Variants in MED13L observed in about 807,000 individuals in gnomAD.
The protein encoded by MED13L is mediator complex subunit 13L, also known as mediator of RNA polymerase II transcription subunit 13-like.
In MED13L, 7 loss-of-function variants were observed where a neutral mutation model predicts 220.9. The observed-to-expected ratio is 0.03, with a 90% CI of 0.02 to 0.06. MED13L has a LOEUF of 0.06. Ranked by LOEUF, MED13L falls within the 10% of genes least tolerant of loss-of-function variation. MED13L has a pLI of 1.00. For synonymous variants in MED13L, 1,011 were observed against 1,015.2 expected, an observed-to-expected ratio of 1.00 and a Z score of 0.08; for missense variants, 1,965 against 2,760.5, an observed-to-expected ratio of 0.71 and a Z score of 6.46.
At chr12:116,126,722 G>C (rs1256014154) in intron 2 of MED13L, among the ~76,000 whole-genome samples, 5 of 152,134 alleles carry the variant, frequency 3.3e-5, no homozygotes, top group Non-Finnish European at 7.4e-5. Flanking sequence ...TGGCTCTGTT[G>C]CTTCTTTTAT....
chr12:116,022,636 T>C (rs937566597), intron 4 of MED13L, 35 bp from the exon 5 acceptor site: 5 of 1,598,244 alleles, frequency 3.1e-6, no homozygotes, highest in Non-Finnish European at 4.3e-6. Flanking sequence ...CAACTTTATA[T>C]TTTGGTAGGA....
chr12:116,147,924 G>A (rs1458517880), intron 2 of MED13L, among the ~76,000 whole-genome samples: 1 of 151,124 alleles, frequency 6.6e-6, no homozygotes, highest in Admixed American at 6.6e-5. Flanking sequence ...GCGTGCACCT[G>A]TAATCCCAGC....
intron 2 of MED13L, among the ~76,000 whole-genome samples, chr12:116,216,538 G>A (rs1466138091): frequency 6.6e-6 from 1 of 152,110 alleles, no homozygotes; most frequent in Admixed American, 6.6e-5. Context: ...GATGCTTCTG[G>A]AAGAAATGTA....
At chr12:115,968,460 G>A (rs1358834107) in intron 28 of MED13L, among the ~76,000 whole-genome samples, 4 of 152,166 alleles carry the variant, frequency 2.6e-5, no homozygotes, top group Non-Finnish European at 4.4e-5. Flanking sequence ...AAAGAAGAAG[G>A]CTGCAAAATG....
At chr12:116,027,898 C>T (rs1317243225) in intron 4 of MED13L, among the ~76,000 whole-genome samples, 1 of 152,098 alleles carries the variant, frequency 6.6e-6, no homozygotes, top group Non-Finnish European at 1.5e-5. Flanking sequence ...AGAGAATAAT[C>T]AAAAAGATTA....
intron 3 of MED13L, among the ~76,000 whole-genome samples, chr12:116,104,261 C>G (rs1476817955): frequency 6.6e-6 from 1 of 151,994 alleles, no homozygotes; most frequent in African/African-American, 2.4e-5. Context: ...CCACCTGTCT[C>G]GGCCTCCCAA....
At chr12:116,243,443 A>G (rs891942102) in intron 1 of MED13L, among the ~76,000 whole-genome samples, 1 of 152,204 alleles carries the variant, frequency 6.6e-6, no homozygotes, top group African/African-American at 2.4e-5. Context: ...AACAGCTACT[A>G]CAGTCAGTTC....
chr12:116,032,406 C>T (rs571274027), intron 4 of MED13L, among the ~76,000 whole-genome samples: 250 of 152,148 alleles, frequency 1.6e-3, no homozygotes, highest in African/African-American at 5.1e-3. Flanking sequence ...GACAAAGAGG[C>T]CAATGGAACA....
chr12:116,221,864 T>A (rs758833568), intron 2 of MED13L, among the ~76,000 whole-genome samples: 3 of 152,132 alleles, frequency 2.0e-5, no homozygotes, highest in Non-Finnish European at 4.4e-5. Context: ...ATATGAAAAA[T>A]TATTTTTTAT....
chr12:116,109,060 CTTTTT>C (rs751600660), intron 3 of MED13L, among the ~76,000 whole-genome samples: 4 of 97,082 alleles, frequency 4.1e-5, no homozygotes, highest in Non-Finnish European at 8.2e-5. Context: ...AATTAATTTC[CTTTTT>C]TTTTTTTTTT....
chr12:115,978,494 T>C (rs1877109778), intron 23 of MED13L, among the ~76,000 whole-genome samples: 1 of 152,050 alleles, frequency 6.6e-6, no homozygotes, highest in Admixed American at 6.5e-5. Context: ...GCCTGGCTAA[T>C]TTTTTTATTT....
Position 115,960,937 on chromosome 12 carries a change from A to C in MED13L, c.*329T>G, listed in dbSNP as rs935321171. ...GGCTGAAAACACAGACTCTTGTGCA[A>C]AAGGACACTGTCTCTTCTGTTTCCC... is the stretch of plus-strand genomic sequence containing the variant. On this transcript the variant is annotated 3_prime_UTR_variant, in exon 31 of 31. Coordinates refer to ENST00000281928, the MANE Select transcript of MED13L (RefSeq NM_015335.5). The C allele has an allele frequency of 3.7e-5, 14 of 381,224 alleles. No individual in the cohort carries two copies. The highest frequency in any genetic ancestry group is 3.1e-4 in the South Asian group (14 of 45,496). 23.6% of individuals were successfully genotyped at this position (381,224 alleles called of 1,614,324 possible). A position where few individuals can be genotyped will look rare whatever the true frequency, so the allele number is the denominator to read the frequency against.
chr12:116,026,924 C>A (rs1300412627), intron 4 of MED13L, among the ~76,000 whole-genome samples: 2 of 152,048 alleles, frequency 1.3e-5, no homozygotes, highest in African/African-American at 4.8e-5. Context: ...TAATGCCCTG[C>A]AGCCATGTAA....
In MED13L at chr12:115,980,913, T is replaced by G. The variant is rs143920854; in HGVS notation, c.5201A>C (p.Gln1734Pro). 5 of 1,612,166 alleles carry G rather than the reference T, an allele frequency of 3.1e-6. No individual in the cohort carries two copies. The highest frequency in any genetic ancestry group is 4.2e-6 in the Non-Finnish European group (5 of 1,179,980). Residue 1734 changes from glutamine to proline, a missense_variant, in exon 23 of 31, where the codon CAG becomes CCG. This residue lies in a region of MED13L where 510 missense variants were observed against 620.4 expected (regional missense o/e 0.82). Coordinates refer to ENST00000281928, the MANE Select transcript of MED13L (RefSeq NM_015335.5). ...GAAAACTTGCTCATCCTTCATTGTC[T>G]GCAGCATGTACTGGCAAGGCACAAT... ...LQIVPCQYML[Q>P]TMKDEQVFYI...
chr12:116,268,751 C>T (rs2138582168), intron 1 of MED13L, among the ~76,000 whole-genome samples: 1 of 152,240 alleles, frequency 6.6e-6, no homozygotes. Context: ...GAAATTTCTA[C>T]TCCCCACCAT....
At chr12:116,136,776 G>C (rs940112978) in intron 2 of MED13L, among the ~76,000 whole-genome samples, 1 of 152,052 alleles carries the variant, frequency 6.6e-6, no homozygotes, top group African/African-American at 2.4e-5. Flanking sequence ...TAATCATATA[G>C]TAGCTAGAAG....
chr12:116,198,697 T>TCCC (rs1022306395), intron 2 of MED13L, among the ~76,000 whole-genome samples: 16 of 151,694 alleles, frequency 1.1e-4, no homozygotes, highest in African/African-American at 3.6e-4. Context: ...CTCTAACACC[T>TCCC]CCCCTAGACT....
chr12:115,971,459 T>G lies in MED13L; in HGVS notation c.5890+619A>C, dbSNP rs150464451. On this transcript the variant is annotated intron_variant, in intron 26 of 30. Transcript: ENST00000281928. ...GGTCCCCCATTTGATTCAAGAAATA[T>G]CTGGATGGTAAAGATAGGTTATAAA... 1.5e-3 allele frequency among the ~76,000 whole-genome samples: 233 copies of G among 152,336 alleles called. 1 individual carries two copies. Among genetic ancestry groups the G allele is most frequent in the African/African-American group, 5.0e-3 (206 of 41,584 alleles).
Position 116,080,021 on chromosome 12 carries a change from GT to G in MED13L, c.479+16647del, listed in dbSNP as rs112759928. 4.8e-3 allele frequency among the ~76,000 whole-genome samples: 665 copies of G among 139,012 alleles called. 1 individual carries two copies. The highest frequency in any genetic ancestry group is 4.7e-3 in the African/African-American group (180 of 38,040). The allele number at this position is 139,012 out of a possible 152,430, so 91.2% of individuals were successfully genotyped here. ...CATAAACTTTCTTAAAACATTTGAG[GT>G]TTTTTTTTTTTTTTAGCTCATTAGC... On this transcript the variant is annotated intron_variant, in intron 4 of 30. Coordinates refer to ENST00000281928, the MANE Select transcript of MED13L (RefSeq NM_015335.5).
Sources: gnomAD v4.1 joint callset for allele counts (sites outside exome capture counted in the v4.1 genomes callset) on GRCh38, gnomAD v4.1.1 for gene constraint, gnomAD v4.1.1 regional missense constraint, MANE v1.5 for transcripts, NCBI Gene and HGNC (gene_info 2026-07-23, HGNC 2026-07-21) for gene names.